The following EYS variants were observed in gnomAD, a reference collection of about 807,000 sequenced individuals.
EYS encodes EGF-like photoreceptor maintenance factor.
Under a neutral mutation model 282.1 loss-of-function variants are expected in EYS, and 250 were observed. The observed-to-expected ratio is 0.89, with a 90% CI of 0.80 to 0.98. The LOEUF (loss-of-function observed/expected upper bound fraction) is 0.98, where lower values mean the gene tolerates loss of function less well. Among genes scored for constraint, EYS ranks in the 50% least tolerant of loss-of-function variants. EYS has a pLI of 0.00. For synonymous variants in EYS, 1,355 were observed against 1,282.9 expected (o/e 1.06, Z -1.20); for missense variants, 4,016 against 3,709.0 (o/e 1.08, Z -2.15).
intron 2 of EYS, among the ~76,000 whole-genome samples, chr6:65,509,744 C>A (rs76843559): frequency 6.6e-6 from 1 of 152,250 alleles, no homozygotes; most frequent in African/African-American, 2.4e-5. Flanking sequence ...TACTTTCAAA[C>A]TTAAATGTAA....
At chr6:64,040,104 AAAACGTTTTCAGTTCTTTT>A (rs1562169003) in intron 33 of EYS, among the ~76,000 whole-genome samples, 1 of 152,210 alleles carries the variant, frequency 6.6e-6, no homozygotes, top group African/African-American at 2.4e-5. Flanking sequence ...TAGAACTGAA[AAAACGTTTTCAGTTCTTTT>A]GTAGAGGTAT....
At chr6:64,965,953 AGTGTGTGT>A (rs35672727) in intron 14 of EYS, among the ~76,000 whole-genome samples, 161 of 147,620 alleles carry the variant, frequency 1.1e-3, no homozygotes, top group African/African-American at 3.3e-3. Context: ...GAAAATTGTG[AGTGTGTGT>A]GTGTGTGTGT....
At chr6:63,792,485 T>C (rs1471113260) in intron 37 of EYS, among the ~76,000 whole-genome samples, 2 of 152,080 alleles carry the variant, frequency 1.3e-5, no homozygotes, top group Non-Finnish European at 2.9e-5. Flanking sequence ...AAATACCTAA[T>C]GTAAATGACG....
chr6:64,695,760 T>A (rs911123853), intron 22 of EYS, among the ~76,000 whole-genome samples: 2 of 151,920 alleles, frequency 1.3e-5, no homozygotes, highest in Non-Finnish European at 2.9e-5. Context: ...AATTTTTGTA[T>A]TTTTAGTAGA....
intron 19 of EYS, among the ~76,000 whole-genome samples, chr6:64,872,591 T>C (rs1248074785): frequency 6.6e-6 from 1 of 152,010 alleles, no homozygotes; most frequent in Non-Finnish European, 1.5e-5. Context: ...GGAGTGGTAG[T>C]TGACTCCCCT....
In EYS at chr6:64,085,340, G is replaced by GCGCGCACACACACA. The variant is rs112388321; in HGVS notation, c.6425-3339_6425-3338insTGTGTGTGTGCGCG. Among the ~76,000 whole-genome samples the GCGCGCACACACACA allele has an allele frequency of 1.7e-3, 243 of 139,886 alleles. 1 individual carries two copies. Among genetic ancestry groups the GCGCGCACACACACA allele is most frequent in the East Asian group, 8.1e-3 (37 of 4,590 alleles). The allele number at this position is 139,886 out of a possible 152,430, so 91.8% of individuals were successfully genotyped here. On this transcript the variant is annotated intron_variant, in intron 31 of 42. Transcript: ENST00000503581. ...CGCGCGCGCGTGCGCACGTGCGCGC[G>GCGCGCACACACACA]CACACACACACACACACACACACAC...
chr6:63,778,213 A>G (rs1770115962), intron 39 of EYS, 33 bp from the exon 40 acceptor site: 4 of 1,541,324 alleles, frequency 2.6e-6, no homozygotes, highest in Non-Finnish European at 3.5e-6. Context: ...TCGTGTTAAC[A>G]AACAGAAGAA....
intron 32 of EYS, among the ~76,000 whole-genome samples, chr6:64,072,470 G>C (rs113557559): frequency 3.0e-4 from 46 of 151,100 alleles, no homozygotes; most frequent in Middle Eastern, 3.4e-3. Context: ...ATCTGAATTT[G>C]AGAGTATAAT....
rs178595 is a variant in EYS, at chr6:63,825,513, G to A, written c.7229-19141C>T. 5.6e-3 allele frequency among the ~76,000 whole-genome samples: 855 copies of A among 152,262 alleles called. 6 individuals are homozygous for A. The highest frequency in any genetic ancestry group is 0.019 in the African/African-American group (798 of 41,540). ...CCATCGTGCCCTTCGCCACCTCAAC[G>A]AGAACAGGTGCTGGTATCCATGGCT... On this transcript the variant is annotated intron_variant, in intron 36 of 42. Coordinates refer to ENST00000503581, the MANE Select transcript of EYS (RefSeq NM_001142800.2).
intron 26 of EYS, among the ~76,000 whole-genome samples, chr6:64,478,643 T>C (rs1045316739): frequency 4.0e-5 from 6 of 150,964 alleles, no homozygotes; most frequent in Non-Finnish European, 8.9e-5. Context: ...ATAATTCAAG[T>C]GCTTTATAAA....
At chr6:64,294,638 T>A (rs2150367471) in intron 30 of EYS, among the ~76,000 whole-genome samples, 1 of 152,322 alleles carries the variant, frequency 6.6e-6, no homozygotes, top group South Asian at 2.1e-4. Flanking sequence ...CATAGTGTCA[T>A]CTGGGGGTTA....
chr6:64,427,333 G>A (rs1421668968), intron 28 of EYS, among the ~76,000 whole-genome samples: 1 of 152,076 alleles, frequency 6.6e-6, no homozygotes, highest in East Asian at 1.9e-4. Flanking sequence ...AAAGCAGCAG[G>A]TAACCAACAA....
chr6:65,048,199 A>T (rs1773159062), intron 13 of EYS, among the ~76,000 whole-genome samples: 1 of 151,834 alleles, frequency 6.6e-6, no homozygotes, highest in South Asian at 2.1e-4. Flanking sequence ...GTTTCTCCTT[A>T]CCACTTTTCT....
rs546533022 is a variant in EYS, at chr6:63,810,665, G to C, written c.7229-4293C>G. Among the ~76,000 whole-genome samples, 3 of 152,262 alleles carry C rather than the reference G, an allele frequency of 2.0e-5. No homozygotes were observed. The East Asian group carries it at 5.8e-4, about 29-fold the overall frequency. ...TGTAAGAGCACCTAACATCTGTGAAGAATGAGAAAAGCCCATGGCTGAAGA... is the reference window on the plus strand; with the variant it reads ...TGTAAGAGCACCTAACATCTGTGAACAATGAGAAAAGCCCATGGCTGAAGA... On this transcript the variant is annotated intron_variant, in intron 36 of 42. Coordinates refer to ENST00000503581, the MANE Select transcript of EYS (RefSeq NM_001142800.2).
chr6:65,539,441 A>AAT, intron 2 of EYS, among the ~76,000 whole-genome samples: 1 of 152,298 alleles, frequency 6.6e-6, no homozygotes, highest in African/African-American at 2.4e-5. Flanking sequence ...TATGATATAC[A>AAT]ATATAAATAT....
intron 11 of EYS, among the ~76,000 whole-genome samples, chr6:65,309,435 T>A (rs943698255): frequency 6.6e-6 from 1 of 152,206 alleles, no homozygotes; most frequent in Non-Finnish European, 1.5e-5. Context: ...TGGGGCCTGA[T>A]AGACTTGTCA....
At chr6:64,115,662 G>A (rs1773356882) in intron 31 of EYS, among the ~76,000 whole-genome samples, 1 of 152,094 alleles carries the variant, frequency 6.6e-6, no homozygotes, top group African/African-American at 2.4e-5. Flanking sequence ...TACCCAGCTG[G>A]TGTCCTCACA....
At chr6:65,349,193 C>A (rs13202000) in intron 9 of EYS, among the ~76,000 whole-genome samples, 33,066 of 151,050 alleles carry the variant, frequency 0.22, 3,782 homozygotes, top group South Asian at 0.38. Context: ...TGTGTTTTGT[C>A]ATATTTGTTG....
intron 11 of EYS, chr6:65,330,381 A>G (rs1453956905): frequency 1.0e-5 from 10 of 984,566 alleles, no homozygotes; most frequent in Non-Finnish European, 1.2e-5. Context: ...GGAGTCATGA[A>G]CACTTCACAG....
Sources: gnomAD v4.1 joint callset for allele counts (sites outside exome capture counted in the v4.1 genomes callset) on GRCh38, gnomAD v4.1.1 for gene constraint, MANE v1.5 for transcripts, NCBI Gene and HGNC (gene_info 2026-07-23, HGNC 2026-07-21) for gene names.